UBE2D2: variants seen among roughly 807,000 people sequenced by gnomAD.
UBE2D2 encodes ubiquitin-conjugating enzyme E2 D2.
Under a neutral mutation model 24.2 loss-of-function variants are expected in UBE2D2, and 2 were observed. That is an observed-to-expected ratio of 0.08 (90% CI 0.03 to 0.26). The LOEUF (loss-of-function observed/expected upper bound fraction) is 0.26. Among genes scored for constraint, UBE2D2 ranks in the 10% least tolerant of loss-of-function variants. UBE2D2 has a pLI of 1.00. For missense variants in UBE2D2, 44 were observed against 177.6 expected (o/e 0.25, Z 4.28); for synonymous variants, 58 against 56.5 (o/e 1.03, Z -0.12).
At chr5:139,607,354 TCTGCC>T in intron 2 of UBE2D2, among the ~76,000 whole-genome samples, 1 of 152,224 alleles carries the variant, frequency 6.6e-6, no homozygotes, top group South Asian at 2.1e-4. Context: ...TTTCTCTTTC[TCTGCC>T]TTTTTTTGGT....
intron 1 of UBE2D2, among the ~76,000 whole-genome samples, chr5:139,579,656 C>T (rs954849658): frequency 6.6e-6 from 1 of 152,110 alleles, no homozygotes; most frequent in Non-Finnish European, 1.5e-5. Context: ...CTATCTGGTT[C>T]TTCAACAGAT....
chr5:139,556,699 A>G (rs757052247), upstream of UBE2D2, among the ~76,000 whole-genome samples: 38 of 152,220 alleles, frequency 2.5e-4, no homozygotes, highest in Non-Finnish European at 2.9e-5. Context: ...CATTAACCTA[A>G]TAAAAGGAAA....
chr5:139,627,044 C>T lies in UBE2D2; in HGVS notation c.*243C>T, dbSNP rs1465755041. On this transcript the variant is annotated 3_prime_UTR_variant, in exon 7 of 7. Transcript: ENST00000398733. ...GTGTGTGTGTGACAAGCCAGTTCTACAGGCATTACCTAGGTGTGAGACTAA... is the reference window on the plus strand; with the variant it reads ...GTGTGTGTGTGACAAGCCAGTTCTATAGGCATTACCTAGGTGTGAGACTAA... 4 of 463,514 alleles carry T rather than the reference C, an allele frequency of 8.6e-6. No individual in the cohort carries two copies. The highest frequency in any genetic ancestry group is 1.6e-5 in the Non-Finnish European group (4 of 257,634). 28.7% of individuals were successfully genotyped at this position (463,514 alleles called of 1,614,324 possible).
intron 1 of UBE2D2, among the ~76,000 whole-genome samples, chr5:139,538,321 A>G (rs1235589064): frequency 6.6e-6 from 1 of 152,186 alleles, no homozygotes; most frequent in Non-Finnish European, 1.5e-5. Flanking sequence ...AGTACTTTAT[A>G]GAACACTCAA....
At position 139,561,748 on chromosome 5, in the gene UBE2D2, G is replaced by A; in HGVS notation, c.-44G>A. 3.9e-6 allele frequency: 2 copies of A among 513,258 alleles called. No homozygotes were observed. Among genetic ancestry groups the A allele is most frequent in the Non-Finnish European group, 6.1e-6 (2 of 329,500 alleles). 31.8% of individuals were successfully genotyped at this position (513,258 alleles called of 1,614,324 possible). A position where few individuals can be genotyped will look rare whatever the true frequency, so the allele number is the denominator to read the frequency against. On this transcript the variant is annotated 5_prime_UTR_variant, in exon 1 of 7. Transcript: ENST00000398733. ...CTAGCCCCTTCCCCGTCCCTTCCCCGCCCCCGTCCCCGCCCCGGGGGCCGC... is the reference window on the plus strand; with the variant it reads ...CTAGCCCCTTCCCCGTCCCTTCCCCACCCCCGTCCCCGCCCCGGGGGCCGC...
chr5:139,593,082 G>A (rs1032416201), intron 1 of UBE2D2, among the ~76,000 whole-genome samples: 5 of 135,864 alleles, frequency 3.7e-5, no homozygotes, highest in African/African-American at 1.4e-4. Context: ...TGCAACCTCC[G>A]CCTCCCGGGT....
chr5:139,611,105 G>C (rs1344665358), intron 2 of UBE2D2, among the ~76,000 whole-genome samples: 3 of 151,234 alleles, frequency 2.0e-5, no homozygotes, highest in African/African-American at 7.3e-5. Flanking sequence ...ACTAGTTAGC[G>C]AGAAGTTAGA....
intron 2 of UBE2D2, among the ~76,000 whole-genome samples, chr5:139,604,442 A>C (rs1451176716): frequency 6.6e-6 from 1 of 152,144 alleles, no homozygotes; most frequent in Non-Finnish European, 1.5e-5. Flanking sequence ...CCAGCTGTTT[A>C]AAAACTCCTA....
rs1753090308 is a variant in UBE2D2, at chr5:139,561,519, G to C, written c.-273G>C. 2.4e-6 allele frequency: 1 copy of C among 412,480 alleles called. No homozygotes were observed. The highest frequency in any genetic ancestry group is 4.3e-6 in the Non-Finnish European group (1 of 233,366). The allele number at this position is 412,480 out of a possible 1,614,324, so 25.6% of individuals were successfully genotyped here. A position where few individuals can be genotyped will look rare whatever the true frequency, so the allele number is the denominator to read the frequency against. On this transcript the variant is annotated 5_prime_UTR_variant, in exon 1 of 7. Coordinates refer to ENST00000398733, the MANE Select transcript of UBE2D2 (RefSeq NM_003339.3). Reference sequence around the variant, plus strand: ...GTTTAGGAGGCGGCGCTGATCCTGGGAGGAAGAGGCAGCTACGGCGGCGGC... The same window carrying C: ...GTTTAGGAGGCGGCGCTGATCCTGGCAGGAAGAGGCAGCTACGGCGGCGGC...
intron 1 of UBE2D2, among the ~76,000 whole-genome samples, chr5:139,549,760 G>A (rs376489273): frequency 1.8e-4 from 28 of 152,214 alleles, no homozygotes; most frequent in Non-Finnish European, 3.7e-4. Context: ...GGGCAACTCC[G>A]CCCCGGCCCA....
At chr5:139,530,792 G>T (rs373217468) in intron 1 of UBE2D2, among the ~76,000 whole-genome samples, 1 of 152,152 alleles carries the variant, frequency 6.6e-6, no homozygotes, top group African/African-American at 2.4e-5. Flanking sequence ...TGCAAGTGTG[G>T]CATGGACTCA....
chr5:139,608,029 A>G (rs1754233515), intron 2 of UBE2D2, among the ~76,000 whole-genome samples: 1 of 152,202 alleles, frequency 6.6e-6, no homozygotes, highest in African/African-American at 2.4e-5. Flanking sequence ...AAAAAAAAAA[A>G]AAACTTAAAT....
chr5:139,587,346 A>G lies in UBE2D2; in HGVS notation c.25-13026A>G, dbSNP rs1344801039. Among the ~76,000 whole-genome samples, 4 of 152,192 alleles carry G rather than the reference A, an allele frequency of 2.6e-5. No homozygotes were observed. The South Asian group carries it at 8.3e-4, about 32-fold the overall frequency. On this transcript the variant is annotated intron_variant, in intron 1 of 6. Coordinates refer to ENST00000398733, the MANE Select transcript of UBE2D2 (RefSeq NM_003339.3). ...AGCAGCGGCTCTGCGACAGCAGCAAACAGTAGTGGTGGAAAGCGAGCGAAA... is the reference window on the plus strand; with the variant it reads ...AGCAGCGGCTCTGCGACAGCAGCAAGCAGTAGTGGTGGAAAGCGAGCGAAA...
chr5:139,580,600 C>T (rs1426205727), intron 1 of UBE2D2, among the ~76,000 whole-genome samples: 1 of 152,144 alleles, frequency 6.6e-6, no homozygotes, highest in Non-Finnish European at 1.5e-5. Flanking sequence ...GCATGTGCCA[C>T]CACACCCGGC....
chr5:139,562,212 A>T, intron 1 of UBE2D2: 1 of 1,380,938 alleles, frequency 7.2e-7, no homozygotes, highest in Non-Finnish European at 9.6e-7. Context: ...TTCTCGCCCC[A>T]TTTCTGTTCC....
intron 1 of UBE2D2, chr5:139,562,461 G>A: frequency 7.8e-7 from 1 of 1,279,082 alleles, no homozygotes; most frequent in Non-Finnish European, 1.0e-6. Flanking sequence ...ATTCCTTGAG[G>A]TTGCTGTATG....
intron 5 of UBE2D2, among the ~76,000 whole-genome samples, chr5:139,619,335 G>A (rs1754469920): frequency 6.6e-6 from 1 of 151,156 alleles, no homozygotes; most frequent in African/African-American, 2.4e-5. Flanking sequence ...GGGAGAGGTT[G>A]CAGTGAGCCA....
At chr5:139,606,679 C>T (rs1353447091) in intron 2 of UBE2D2, among the ~76,000 whole-genome samples, 1 of 152,114 alleles carries the variant, frequency 6.6e-6, no homozygotes, top group Non-Finnish European at 1.5e-5. Context: ...TAAGATGGAT[C>T]ATTAAATGAA....
At chr5:139,550,639 T>G (rs1205307651) in intron 1 of UBE2D2, among the ~76,000 whole-genome samples, 2 of 151,386 alleles carry the variant, frequency 1.3e-5, no homozygotes, top group Non-Finnish European at 2.9e-5. Context: ...ACACACTGAG[T>G]TTATGAGCTG....
Sources: gnomAD v4.1 joint callset for allele counts (sites outside exome capture counted in the v4.1 genomes callset) on GRCh38, gnomAD v4.1.1 for gene constraint, MANE v1.5 for transcripts, NCBI Gene and HGNC (gene_info 2026-07-23, HGNC 2026-07-21) for gene names.